The following PCDH11Y variants were observed in gnomAD, a reference collection of about 807,000 sequenced individuals.
PCDH11Y encodes the protein protocadherin 11 Y-linked, also known as protocadherin-11 Y-linked.
For missense variants in PCDH11Y, 12 were observed against 224.8 expected, an observed-to-expected ratio of 0.05 and a Z score of 6.05; for synonymous variants, 9 against 83.6, an observed-to-expected ratio of 0.11 and a Z score of 4.87.
intron 2 of PCDH11Y, among the ~76,000 whole-genome samples, chrY:5,278,243 C>G: frequency 3.4e-5 from 1 of 29,134 alleles, no homozygotes; most frequent in Non-Finnish European, 8.1e-5. Flanking sequence ...CTCTGCCGCC[C>G]AGGTTCAAGC....
At chrY:5,333,669 G>A in intron 2 of PCDH11Y, among the ~76,000 whole-genome samples, 2 of 32,982 alleles carry the variant, frequency 6.1e-5, no homozygotes, top group East Asian at 1.6e-3. Context: ...TTGGGAGGCC[G>A]AGGCGGGTGG....
chrY:5,014,593 C>T (rs2052558115), intron 1 of PCDH11Y, among the ~76,000 whole-genome samples: 3 of 32,988 alleles, frequency 9.1e-5, no homozygotes, highest in Non-Finnish European at 1.5e-4. Flanking sequence ...CAAATAATTT[C>T]GGAAACCAGA....
chrY:5,478,727 G>T, intron 2 of PCDH11Y, among the ~76,000 whole-genome samples: 2 of 32,679 alleles, frequency 6.1e-5, no homozygotes, highest in Admixed American at 5.5e-4. Context: ...TTATATTTAG[G>T]GTAGTTAACT....
At chrY:5,084,540 A>T in intron 1 of PCDH11Y, among the ~76,000 whole-genome samples, 1 of 29,911 alleles carries the variant, frequency 3.3e-5, no homozygotes, top group Non-Finnish European at 8.0e-5. Flanking sequence ...TGTATAGTAC[A>T]GATTAAGTCT....
At chrY:5,612,561 A>C in intron 4 of PCDH11Y, among the ~76,000 whole-genome samples, 1 of 33,074 alleles carries the variant, frequency 3.0e-5, no homozygotes, top group Non-Finnish European at 7.4e-5. Context: ...CATATTGGAC[A>C]CATAAAATTT....
intron 3 of PCDH11Y, among the ~76,000 whole-genome samples, chrY:5,551,477 G>T (rs1602942132): frequency 1.8e-4 from 6 of 32,954 alleles, no homozygotes; most frequent in African/African-American, 4.7e-4. Context: ...TTATTATTAA[G>T]GGAATTGATT....
At chrY:5,613,445 T>C in intron 4 of PCDH11Y, among the ~76,000 whole-genome samples, 1 of 30,470 alleles carries the variant, frequency 3.3e-5, no homozygotes, top group African/African-American at 1.3e-4. Context: ...GAGGTATAAG[T>C]TGTTTAGAAC....
chrY:5,688,047 T>A, intron 4 of PCDH11Y, among the ~76,000 whole-genome samples: 1 of 33,079 alleles, frequency 3.0e-5, no homozygotes, highest in Admixed American at 2.8e-4. Context: ...ACTGCATTGT[T>A]ATCAATTTCT....
chrY:5,565,680 C>T, intron 3 of PCDH11Y, among the ~76,000 whole-genome samples: 1 of 29,010 alleles, frequency 3.4e-5, no homozygotes, highest in African/African-American at 1.3e-4. Context: ...TATATTCATC[C>T]GAACCATACG....
chrY:5,311,352 A>T (rs2053099457), intron 2 of PCDH11Y, among the ~76,000 whole-genome samples: 1 of 29,685 alleles, frequency 3.4e-5, no homozygotes, highest in African/African-American at 1.3e-4. Context: ...AGGCACACAC[A>T]ATACTTTTAA....
intron 1 of PCDH11Y, among the ~76,000 whole-genome samples, chrY:5,089,813 G>C: frequency 3.0e-5 from 1 of 33,067 alleles, no homozygotes; most frequent in South Asian, 6.8e-4. Context: ...TTATGTGATA[G>C]AGAAACTGAA....
intron 2 of PCDH11Y, among the ~76,000 whole-genome samples, chrY:5,266,691 C>T (rs1602896498): frequency 6.3e-5 from 2 of 31,882 alleles, no homozygotes; most frequent in Non-Finnish European, 1.5e-4. Flanking sequence ...GATAAGAATA[C>T]GAGTGTGAAT....
chrY:5,312,641 C>T, intron 2 of PCDH11Y, among the ~76,000 whole-genome samples: 1 of 26,739 alleles, frequency 3.7e-5, no homozygotes, highest in Non-Finnish European at 8.6e-5. Context: ...GCATATAAGG[C>T]CTTGATCACT....
chrY:5,729,467 G>C, intron 4 of PCDH11Y, among the ~76,000 whole-genome samples: 3 of 31,777 alleles, frequency 9.4e-5, no homozygotes, highest in Admixed American at 2.9e-4. Flanking sequence ...TTGAATGGAG[G>C]CTTTTGTTTT....
At chrY:5,459,829 G>A in intron 2 of PCDH11Y, among the ~76,000 whole-genome samples, 1 of 31,824 alleles carries the variant, frequency 3.1e-5, no homozygotes, top group Non-Finnish European at 7.8e-5. Flanking sequence ...TTTCCTCCCC[G>A]CATTATAGGA....
intron 4 of PCDH11Y, among the ~76,000 whole-genome samples, chrY:5,729,311 T>C (rs2053601298): frequency 3.0e-5 from 1 of 32,876 alleles, no homozygotes; most frequent in Non-Finnish European, 7.6e-5. Context: ...TAATAATAGC[T>C]ATTCTGACTG....
chrY:5,229,270 A>T, intron 2 of PCDH11Y, among the ~76,000 whole-genome samples: 2 of 24,412 alleles, frequency 8.2e-5, no homozygotes, highest in Non-Finnish European at 1.9e-4. Context: ...TTGTCCTGAA[A>T]TATTTTTCCA....
chrY:5,209,620 A>C (rs1602886678), intron 2 of PCDH11Y, among the ~76,000 whole-genome samples: 1 of 33,508 alleles, frequency 3.0e-5, no homozygotes, highest in South Asian at 6.6e-4. Context: ...TGTTCCTCTA[A>C]GGATTGCTTT....
chrY:5,446,742 T>G, intron 2 of PCDH11Y, among the ~76,000 whole-genome samples: 1 of 33,869 alleles, frequency 3.0e-5, no homozygotes, highest in Non-Finnish European at 7.4e-5. Flanking sequence ...TACAAATATG[T>G]TCTCACAATT....
Sources: allele counts gnomAD v4.1 joint callset (sites outside exome capture counted in the v4.1 genomes callset), GRCh38; gene constraint gnomAD v4.1.1; transcripts MANE v1.5; gene names NCBI Gene and HGNC (gene_info 2026-07-23, HGNC 2026-07-21).